Variants in MDGA2 observed in about 807,000 individuals in gnomAD.
MDGA2 encodes the protein MAM domain containing glycosylphosphatidylinositol anchor 2.
In MDGA2, 40 loss-of-function variants were observed where a neutral mutation model predicts 117.8. That is an observed-to-expected ratio of 0.34 (90% CI 0.26 to 0.44). The LOEUF (loss-of-function observed/expected upper bound fraction) is 0.44, where lower values mean the gene tolerates loss of function less well. Among genes scored for constraint, MDGA2 ranks in the 20% least tolerant of loss-of-function variants. MDGA2 has a pLI of 1.00. For synonymous variants in MDGA2, 452 were observed against 439.0 expected (o/e 1.03, Z -0.37); for missense variants, 1,123 against 1,250.6 (o/e 0.90, Z 1.54).
At chr14:47,076,413 T>C (rs113216472) in intron 6 of MDGA2, among the ~76,000 whole-genome samples, 1 of 152,138 alleles carries the variant, frequency 6.6e-6, no homozygotes, top group East Asian at 1.9e-4. Flanking sequence ...TTTCTTAACA[T>C]ATGACTCTCT....
chr14:47,315,341 C>T (rs890964963), intron 1 of MDGA2, among the ~76,000 whole-genome samples: 1 of 152,078 alleles, frequency 6.6e-6, no homozygotes, highest in African/African-American at 2.4e-5. Context: ...CTTCAGAAAG[C>T]TCACCCTCTT....
intron 1 of MDGA2, among the ~76,000 whole-genome samples, chr14:47,379,057 A>G (rs956375845): frequency 3.3e-5 from 5 of 152,230 alleles, no homozygotes; most frequent in Non-Finnish European, 5.9e-5. Context: ...GTGGGGGCCA[A>G]TATTCAACAT....
intron 1 of MDGA2, among the ~76,000 whole-genome samples, chr14:47,596,400 T>C (rs1308852538): frequency 6.6e-6 from 1 of 152,192 alleles, no homozygotes; most frequent in Non-Finnish European, 1.5e-5. Context: ...TCTGACTCAT[T>C]CTGGAAAGTC....
At chr14:47,092,076 G>T (rs1879690155) in intron 6 of MDGA2, among the ~76,000 whole-genome samples, 1 of 152,260 alleles carries the variant, frequency 6.6e-6, no homozygotes, top group Admixed American at 6.5e-5. Context: ...TATAGCAGGT[G>T]AATTTCTAAA....
intron 5 of MDGA2, among the ~76,000 whole-genome samples, chr14:47,120,673 A>T (rs1353802607): frequency 6.6e-6 from 1 of 152,194 alleles, no homozygotes; most frequent in Non-Finnish European, 1.5e-5. Flanking sequence ...CCACAACTGC[A>T]GACAAAAAGT....
intron 1 of MDGA2, among the ~76,000 whole-genome samples, chr14:47,614,666 G>C (rs569880805): frequency 3.9e-5 from 6 of 152,300 alleles, no homozygotes; most frequent in Admixed American, 2.6e-4. Flanking sequence ...GTGGGACAAA[G>C]ATCTAAATCG....
chr14:46,992,216 G>A (rs1954226), intron 8 of MDGA2, among the ~76,000 whole-genome samples: 19,765 of 152,042 alleles, frequency 0.13, 1,385 homozygotes, highest in Admixed American at 0.21. Context: ...AGAAAGAAAC[G>A]AGTGATAATA....
At chr14:47,129,662 G>A (rs1428419131) in intron 5 of MDGA2, among the ~76,000 whole-genome samples, 57 of 150,218 alleles carry the variant, frequency 3.8e-4, no homozygotes, top group African/African-American at 1.4e-3. Flanking sequence ...CGGAGGAATC[G>A]CCACACTGAC....
chr14:47,003,682 A>G (rs1566569549), intron 8 of MDGA2, among the ~76,000 whole-genome samples: 1 of 151,940 alleles, frequency 6.6e-6, no homozygotes, highest in South Asian at 2.1e-4. Context: ...AATTCTTTAC[A>G]TATTCTAAAT....
chr14:47,346,280 C>T (rs1027638287), intron 1 of MDGA2, among the ~76,000 whole-genome samples: 2 of 152,056 alleles, frequency 1.3e-5, no homozygotes, highest in South Asian at 2.1e-4. Context: ...CAACAGTTAA[C>T]GGACAGCTAG....
chr14:47,231,243 G>A lies in MDGA2; in HGVS notation c.421-13048C>T, dbSNP rs549549417. Among the ~76,000 whole-genome samples the A allele has an allele frequency of 3.3e-5, 5 of 151,892 alleles. No homozygotes were observed. The South Asian group carries it at 8.3e-4, about 25-fold the overall frequency. ...ACACATATTTATTAAAGACTTATTC[G>A]GCCAAATTATTTATTAATGCATCTC... On this transcript the variant is annotated intron_variant, in intron 2 of 16. Coordinates refer to ENST00000399232, the MANE Select transcript of MDGA2 (RefSeq NM_001113498.3).
intron 1 of MDGA2, among the ~76,000 whole-genome samples, chr14:47,633,768 T>A (rs1313052017): frequency 6.6e-6 from 1 of 152,194 alleles, no homozygotes; most frequent in African/African-American, 2.4e-5. Flanking sequence ...CAGTCCACTT[T>A]AAATATATGA....
At chr14:47,020,339 ACT>A (rs1290520398) in intron 8 of MDGA2, among the ~76,000 whole-genome samples, 4 of 152,148 alleles carry the variant, frequency 2.6e-5, no homozygotes, top group Non-Finnish European at 4.4e-5. Context: ...CAATGTCAAA[ACT>A]CTATAATTAT....
In MDGA2 at chr14:47,096,810, C is replaced by T. The variant is rs770944155; in HGVS notation, c.1195+44G>A. 10 of 1,593,200 alleles carry T rather than the reference C, an allele frequency of 6.3e-6. No homozygotes were observed. In the African/African-American group the frequency reaches 1.2e-4, roughly 19 times the overall value. On this transcript the variant is annotated intron_variant, in intron 6 of 16. Transcript: ENST00000399232. Reference sequence around the variant, plus strand: ...CAACCATTATTTGCTTTTTGAGAGCCTAACCTAGGAATCTACGTTGTAACA... The same window carrying T: ...CAACCATTATTTGCTTTTTGAGAGCTTAACCTAGGAATCTACGTTGTAACA...
rs1030599597 is a variant in MDGA2 at position 47,343,987 on chromosome 14, C to T, written c.281-42437G>A. Among the ~76,000 whole-genome samples the T allele has an allele frequency of 1.4e-4, 21 of 152,214 alleles. 1 individual carries two copies. Among genetic ancestry groups the T allele is most frequent in the Admixed American group, 1.3e-3 (20 of 15,274 alleles). On this transcript the variant is annotated intron_variant, in intron 1 of 16. Transcript: ENST00000399232. ...ACTCTTGGAAAAGAGTGTATACCTC[C>T]GCGCATCTAGAAATAACTGAACTGT...
chr14:47,401,833 A>G (rs1323813055), intron 1 of MDGA2, among the ~76,000 whole-genome samples: 3 of 152,206 alleles, frequency 2.0e-5, no homozygotes, highest in Non-Finnish European at 2.9e-5. Flanking sequence ...GTGATAAATT[A>G]TGATGTCCAT....
At chr14:47,635,199 G>T (rs901723072) in intron 1 of MDGA2, among the ~76,000 whole-genome samples, 6 of 152,028 alleles carry the variant, frequency 3.9e-5, no homozygotes, top group Non-Finnish European at 8.8e-5. Context: ...AGCATGGCAA[G>T]AAATAAATTT....
chr14:47,197,791 C>T (rs1885342311), intron 3 of MDGA2, among the ~76,000 whole-genome samples: 1 of 152,096 alleles, frequency 6.6e-6, no homozygotes, highest in Admixed American at 6.5e-5. Context: ...CACCTGCAAT[C>T]CCAGCTACTC....
At chr14:47,101,118 T>TAGATAGAC (rs201030704) in intron 5 of MDGA2, among the ~76,000 whole-genome samples, 5 of 123,882 alleles carry the variant, frequency 4.0e-5, no homozygotes, top group Admixed American at 1.6e-4. Flanking sequence ...GATAGATAGA[T>TAGATAGAC]AGATAGACAG....
Sources: allele counts gnomAD v4.1 joint callset (sites outside exome capture counted in the v4.1 genomes callset), GRCh38; gene constraint gnomAD v4.1.1; transcripts MANE v1.5; gene names NCBI Gene and HGNC (gene_info 2026-07-23, HGNC 2026-07-21).